The following ECE1 variants were observed in gnomAD, a reference collection of about 807,000 sequenced individuals.
The protein encoded by ECE1 is endothelin converting enzyme 1, also known as endothelin-converting enzyme 1.
In ECE1, 35 loss-of-function variants were observed where a neutral mutation model predicts 98.6. That is an observed-to-expected ratio of 0.35 (90% CI 0.27 to 0.47). The LOEUF is 0.47. Among genes scored for constraint, ECE1 ranks in the 20% least tolerant of loss-of-function variants. The pLI, the probability that ECE1 is intolerant of heterozygous loss-of-function variation, is 1.00. For synonymous variants in ECE1, 394 were observed against 407.1 expected (o/e 0.97, Z 0.39); for missense variants, 814 against 1,025.3 (o/e 0.79, Z 2.81).
intron 1 of ECE1, among the ~76,000 whole-genome samples, chr1:21,334,811 C>T (rs1165661014): frequency 6.6e-6 from 1 of 152,148 alleles, no homozygotes; most frequent in African/African-American, 2.4e-5. Context: ...CAGCCAAAAT[C>T]CCAGATCCTG....
At chr1:21,262,554 G>A (rs973920811) in intron 4 of ECE1, among the ~76,000 whole-genome samples, 1 of 152,214 alleles carries the variant, frequency 6.6e-6, no homozygotes, top group Non-Finnish European at 1.5e-5. Context: ...GGCCAGCGCT[G>A]GGGAAGGCAC....
intron 8 of ECE1, among the ~76,000 whole-genome samples, chr1:21,253,516 A>C (rs2098215454): frequency 6.6e-6 from 1 of 150,998 alleles, no homozygotes; most frequent in South Asian, 2.1e-4. Context: ...TAATCCCAAC[A>C]CTCTGGGAGG....
chr1:21,302,741 G>A (rs1005333042), intron 1 of ECE1, among the ~76,000 whole-genome samples: 4 of 152,134 alleles, frequency 2.6e-5, no homozygotes, highest in Non-Finnish European at 4.4e-5. Context: ...CCCCTGGCCC[G>A]CCCTGCCCCC....
chr1:21,273,000 C>T, intron 3 of ECE1, 89 bp from the exon 4 acceptor site: 1 of 1,424,422 alleles, frequency 7.0e-7, no homozygotes, highest in Non-Finnish European at 9.8e-7. Flanking sequence ...CCAGGGGCCA[C>T]ATGTCCCACC....
chr1:21,290,391 C>T lies in ECE1; in HGVS notation c.24G>A (p.Pro8=), dbSNP rs193017331. The change falls in exon 1 of 19, where the codon CCG becomes CCA. Residue 8 remains proline (P), a synonymous_variant. Transcript: ENST00000374893. This position sits in a 1 kb window ranked among gnomAD's most constrained non-coding sequence, Gnocchi z 7.3. The part of the protein sequence containing the change: MRGVWPP[P]VSALLSALGM... ...CCAGCGCCGACAGCAGGGCGGACAC[C>T]GGGGGCGGCCACACGCCCCGCATGC... 295 of 1,237,744 alleles carry T rather than the reference C, an allele frequency of 2.4e-4. No homozygotes were observed. In the African/African-American group the frequency reaches 4.3e-3, roughly 18 times the overall value. The allele number at this position is 1,237,744 out of a possible 1,614,324, so 76.7% of individuals were successfully genotyped here.
chr1:21,234,618 A>T (rs2098185837), intron 13 of ECE1, among the ~76,000 whole-genome samples: 1 of 152,068 alleles, frequency 6.6e-6, no homozygotes, highest in African/African-American at 2.4e-5. Flanking sequence ...AGCTGGGACT[A>T]TAGGCACATG....
In ECE1 at chr1:21,219,931, G is replaced by A. The variant is rs570101227; in HGVS notation, c.*24C>T. 21 of 1,613,696 alleles carry A rather than the reference G, an allele frequency of 1.3e-5. No homozygotes were observed. The highest frequency in any genetic ancestry group is 6.7e-5 in the East Asian group (3 of 44,882). On this transcript the variant is annotated 3_prime_UTR_variant, in exon 19 of 19. Coordinates refer to ENST00000374893, the MANE Select transcript of ECE1 (RefSeq NM_001397.3). This position sits in a 1 kb window ranked among gnomAD's most constrained non-coding sequence, Gnocchi z 4.5. The stretch of plus-strand genomic sequence containing the variant: ...CGTCCTCAGCCCCTTCCCCTCCTCC[G>A]TCTTGGCTCTCTCCGCTTCGTCCTT...
Position 21,258,688 on chromosome 1 carries a change from C to T in ECE1, c.762+5G>A, listed in dbSNP as rs1238500617. ...CTCGACCGCTGCAGGTTCAAGCTAG[C>T]TCACCTGGATCACGTTGCTGTTGGA... On this transcript the variant is annotated splice_donor_5th_base_variant and intron_variant, in intron 6 of 18. Transcript: ENST00000374893. The surrounding 1 kb of genome is among the most constrained non-coding windows in gnomAD (Gnocchi z 4.2). 1 of 1,614,050 alleles carries T rather than the reference C, an allele frequency of 6.2e-7. No homozygotes were observed. The highest frequency in any genetic ancestry group is 8.5e-7 in the Non-Finnish European group (1 of 1,180,016).
Position 21,235,732 on chromosome 1 carries a change from TC to T in ECE1, c.1566+117del, listed in dbSNP as rs2098187127. 2.8e-6 allele frequency: 3 copies of T among 1,061,494 alleles called. No individual in the cohort carries two copies. In the Admixed American group the frequency reaches 5.1e-5, roughly 18 times the overall value. The allele number at this position is 1,061,494 out of a possible 1,614,324, so 65.8% of individuals were successfully genotyped here. A position where few individuals can be genotyped will look rare whatever the true frequency, so the allele number is the denominator to read the frequency against. On this transcript the variant is annotated intron_variant, in intron 13 of 18. Transcript: ENST00000374893. The surrounding 1 kb of genome is among the most constrained non-coding windows in gnomAD (Gnocchi z 4.2). ...CATACCCAAGCCCCACACCACATCATCCCTGTGTGTTTTGACAACCATGCTG... is the reference window on the plus strand; with the variant it reads ...CATACCCAAGCCCCACACCACATCATCCTGTGTGTTTTGACAACCATGCTG...
chr1:21,225,016 CTT>C lies in ECE1; in HGVS notation c.2040+232_2040+233del, dbSNP rs59967934. On this transcript the variant is annotated intron_variant, in intron 17 of 18. Coordinates refer to ENST00000374893, the MANE Select transcript of ECE1 (RefSeq NM_001397.3). This position sits in a 1 kb window ranked among gnomAD's most constrained non-coding sequence, Gnocchi z 5.3. ...ATGAAGCCCGAGCCCCTTCCTGTGTCTTTGTCAGGCCAGACTCAGAGCACAAA... is the reference window on the plus strand; with the variant it reads ...ATGAAGCCCGAGCCCCTTCCTGTGTCTGTCAGGCCAGACTCAGAGCACAAA... 1.3e-5 allele frequency among the ~76,000 whole-genome samples: 2 copies of C among 152,244 alleles called. No homozygotes were observed. The highest frequency in any genetic ancestry group is 1.3e-4 in the Admixed American group (2 of 15,286).
chr1:21,223,867 G>A (rs569261424), intron 17 of ECE1, among the ~76,000 whole-genome samples: 21 of 152,292 alleles, frequency 1.4e-4, no homozygotes, highest in Non-Finnish European at 2.6e-4. Context: ...CAAAGTGCTG[G>A]GATTATAGGC....
At chr1:21,256,245 G>A in intron 7 of ECE1, 107 bp from the exon 8 acceptor site, 2 of 1,297,168 alleles carry the variant, frequency 1.5e-6, no homozygotes, top group Non-Finnish European at 2.1e-6. Flanking sequence ...GAGCCAGGGG[G>A]CTGCACAGTG....
chr1:21,320,899 G>A (rs910309072), intron 1 of ECE1, among the ~76,000 whole-genome samples: 1 of 152,240 alleles, frequency 6.6e-6, no homozygotes, highest in Non-Finnish European at 1.5e-5. Flanking sequence ...GCCTTGAGGA[G>A]CTGTGATGGT....
chr1:21,339,315 A>G (rs1639358867), intron 1 of ECE1, among the ~76,000 whole-genome samples: 1 of 152,166 alleles, frequency 6.6e-6, no homozygotes, highest in South Asian at 2.1e-4. Flanking sequence ...AGCCCCAGTG[A>G]GCTCTCAACG....
At chr1:21,229,176 C>T (rs200332380) in intron 14 of ECE1, among the ~76,000 whole-genome samples, 2 of 151,756 alleles carry the variant, frequency 1.3e-5, no homozygotes, top group East Asian at 1.9e-4. Flanking sequence ...CCCCTGAATA[C>T]AAGACTTTTT....
intron 1 of ECE1, among the ~76,000 whole-genome samples, chr1:21,302,567 ATG>A (rs1343919427): frequency 6.6e-6 from 1 of 152,188 alleles, no homozygotes; most frequent in Non-Finnish European, 1.5e-5. Context: ...GAGGATCTGG[ATG>A]TGTCTGCTGG....
upstream of ECE1, chr1:21,293,498 G>C (rs1569684500): frequency 6.6e-6 from 1 of 152,180 alleles, no homozygotes; most frequent in East Asian, 1.9e-4. Flanking sequence ...AGGCAAGGGA[G>C]GGAGGCCGGA....
At chr1:21,285,179 T>A (rs1228517522) in intron 2 of ECE1, among the ~76,000 whole-genome samples, 1 of 152,184 alleles carries the variant, frequency 6.6e-6, no homozygotes, top group African/African-American at 2.4e-5. Flanking sequence ...GCTTAAAATA[T>A]GATCCGTTGT....
intron 1 of ECE1, among the ~76,000 whole-genome samples, chr1:21,317,653 T>C (rs533648053): frequency 1.3e-5 from 2 of 152,222 alleles, no homozygotes; most frequent in African/African-American, 4.8e-5. Context: ...AGCCACACCC[T>C]CCCCTCTGTG....
Sources: allele counts gnomAD v4.1 joint callset (sites outside exome capture counted in the v4.1 genomes callset), GRCh38; gene constraint gnomAD v4.1.1; non-coding constraint Gnocchi (gnomAD v3.1); transcripts MANE v1.5; gene names NCBI Gene and HGNC (gene_info 2026-07-23, HGNC 2026-07-21).